The following NXN variants were observed in gnomAD, a reference collection of about 807,000 sequenced individuals.
NXN encodes nucleoredoxin 1.
Under a neutral mutation model 48.6 loss-of-function variants are expected in NXN, and 16 were observed. That is an observed-to-expected ratio of 0.33 (90% confidence interval 0.22 to 0.50). The LOEUF (loss-of-function observed/expected upper bound fraction) is 0.50. NXN is among the 20% of genes least tolerant of loss of function. The pLI is 0.98. For missense variants in NXN, 492 were observed against 605.5 expected (o/e 0.81, Z 1.97); for synonymous variants, 281 against 269.6 (o/e 1.04, Z -0.41).
chr17:833,492 C>T (rs893007470), intron 1 of NXN, among the ~76,000 whole-genome samples: 1 of 152,184 alleles, frequency 6.6e-6, no homozygotes. Flanking sequence ...TGCACCCTTT[C>T]AAGTGTGAGG....
rs1037967873 is a variant in NXN, at chr17:920,416, A to G, written c.360+58903T>C. The stretch of plus-strand genomic sequence containing the variant: ...GCCCTCCTGTCATGCCCCAAGGCCA[A>G]TGTAGCCTTGGGGATGCCGAGCCTG... On this transcript the variant is annotated intron_variant, in intron 1 of 7. Coordinates refer to ENST00000336868, the MANE Select transcript of NXN (RefSeq NM_022463.5). This position sits in a 1 kb window ranked among gnomAD's most constrained non-coding sequence, Gnocchi z 4.6. Among the ~76,000 whole-genome samples the G allele has an allele frequency of 2.0e-5, 3 of 151,960 alleles. No individual in the cohort carries two copies. The highest frequency in any genetic ancestry group is 2.9e-5 in the Non-Finnish European group (2 of 67,986).
chr17:962,774 C>T (rs566560376), intron 1 of NXN, among the ~76,000 whole-genome samples: 2 of 152,272 alleles, frequency 1.3e-5, no homozygotes, highest in East Asian at 1.9e-4. Flanking sequence ...CATCTGAATG[C>T]GCTTGGAAGC....
intron 5 of NXN, among the ~76,000 whole-genome samples, chr17:806,971 G>T (rs986804261): frequency 1.3e-5 from 2 of 152,080 alleles, no homozygotes; most frequent in African/African-American, 4.8e-5. Context: ...CACACATGCG[G>T]CCGGCTCTCA....
At position 822,358 on chromosome 17, in the gene NXN, T is replaced by C; in HGVS notation, c.712A>G (p.Arg238Gly). Residue 238 changes from arginine to glycine, a missense_variant and splice_region_variant, in exon 4 of 8, where the codon AGG becomes GGG. Physicochemically the swap from Arg to Gly is moderately radical, Grantham distance 125. This residue lies in a region of NXN where 303 missense variants were observed against 388.3 expected (regional missense o/e 0.78). Coordinates refer to ENST00000336868, the MANE Select transcript of NXN (RefSeq NM_022463.5). The stretch of plus-strand genomic sequence containing the variant: ...CCAGCACTTCACGGCACGACTGACC[T>C]GTCTGCACTAACGAAGATGATCTCG... ...NFEIIFVSAD[R>G]SEESFKQYFS... The C allele has an allele frequency of 6.2e-7, 1 of 1,611,780 alleles. No homozygotes were observed. Among genetic ancestry groups the C allele is most frequent in the Non-Finnish European group, 8.5e-7 (1 of 1,177,942 alleles).
intron 1 of NXN, among the ~76,000 whole-genome samples, chr17:895,635 AC>A (rs2068472831): frequency 8.0e-6 from 1 of 125,302 alleles, no homozygotes; most frequent in Non-Finnish European, 1.7e-5. Flanking sequence ...ACACGGTGAA[AC>A]CCCGTCTCTA....
intron 1 of NXN, among the ~76,000 whole-genome samples, chr17:863,040 GA>G (rs2068056826): frequency 2.0e-5 from 3 of 152,168 alleles, no homozygotes; most frequent in Non-Finnish European, 4.4e-5. Flanking sequence ...ATACTCAGGG[GA>G]TTGGTTCTGG....
chr17:870,987 T>A (rs552098039), intron 1 of NXN, among the ~76,000 whole-genome samples: 3 of 151,784 alleles, frequency 2.0e-5, no homozygotes, highest in Non-Finnish European at 4.4e-5. Context: ...GCCTCCCGAG[T>A]AGCTCGGACT....
chr17:854,219 G>A (rs948863324), intron 1 of NXN, among the ~76,000 whole-genome samples: 8 of 152,230 alleles, frequency 5.3e-5, no homozygotes, highest in Admixed American at 1.3e-4. Flanking sequence ...GCTTCCCACC[G>A]TACTCGCTCT....
Position 958,114 on chromosome 17 carries a change from G to A in NXN, c.360+21205C>T, listed in dbSNP as rs1015550508. ...TCAACTTTCCCCTTCCTTCCCACAC[G>A]GCTATTTATATCTGGAATATCTCTC... On this transcript the variant is annotated intron_variant, in intron 1 of 7. Coordinates refer to ENST00000336868, the MANE Select transcript of NXN (RefSeq NM_022463.5). This position sits in a 1 kb window ranked among gnomAD's most constrained non-coding sequence, Gnocchi z 6.9. Among the ~76,000 whole-genome samples the A allele has an allele frequency of 5.9e-5, 9 of 152,022 alleles. No homozygotes were observed. Among genetic ancestry groups the A allele is most frequent in the Admixed American group, 1.3e-4 (2 of 15,232 alleles).
intron 5 of NXN, among the ~76,000 whole-genome samples, chr17:817,532 T>C (rs1912545790): frequency 6.6e-6 from 1 of 151,724 alleles, no homozygotes; most frequent in Admixed American, 6.6e-5. Context: ...TAGCCGGGCG[T>C]GTGGTGGGTG....
At chr17:949,695 C>A (rs1458148124) in intron 1 of NXN, among the ~76,000 whole-genome samples, 1 of 130,916 alleles carries the variant, frequency 7.6e-6, no homozygotes, top group East Asian at 2.2e-4. Context: ...CTCCTCTCCC[C>A]CCTGCCTCCT....
intron 1 of NXN, among the ~76,000 whole-genome samples, chr17:885,672 C>T (rs2068337345): frequency 2.4e-5 from 2 of 83,750 alleles, no homozygotes; most frequent in South Asian, 4.5e-4. Context: ...GCGGTACTCG[C>T]TTTTTTTTTT....
At chr17:842,858 G>C (rs770933319) in intron 1 of NXN, among the ~76,000 whole-genome samples, 1 of 152,132 alleles carries the variant, frequency 6.6e-6, no homozygotes, top group Non-Finnish European at 1.5e-5. Flanking sequence ...AGAATTGCTT[G>C]AACCTGGGAG....
At chr17:912,294 C>T (rs71357133) in intron 1 of NXN, among the ~76,000 whole-genome samples, 2,855 of 152,130 alleles carry the variant, frequency 0.019, 67 homozygotes, top group Middle Eastern at 0.075. Flanking sequence ...ATAAATGGAA[C>T]GGTGTAGTTC....
intron 1 of NXN, among the ~76,000 whole-genome samples, chr17:850,187 T>C (rs189544329): frequency 2.6e-5 from 4 of 152,258 alleles, no homozygotes; most frequent in Admixed American, 2.6e-4. Context: ...CAAAATCACC[T>C]GACGGACGCT....
chr17:962,480 C>A (rs948506541), intron 1 of NXN, among the ~76,000 whole-genome samples: 1 of 152,116 alleles, frequency 6.6e-6, no homozygotes, highest in Non-Finnish European at 1.5e-5. Flanking sequence ...CCAGCCTGGA[C>A]AACACGGTAA....
At chr17:945,140 G>A (rs2069027744) in intron 1 of NXN, among the ~76,000 whole-genome samples, 1 of 151,988 alleles carries the variant, frequency 6.6e-6, no homozygotes, top group East Asian at 2.0e-4. Context: ...GGAGTGCAGC[G>A]GCACAGTCTC....
intron 5 of NXN, among the ~76,000 whole-genome samples, chr17:812,912 C>T (rs1377722377): frequency 8.5e-6 from 1 of 117,264 alleles, no homozygotes. Context: ...GCATGTGTGA[C>T]TGTAGGTGTG....
At chr17:951,866 C>G (rs1189729644) in intron 1 of NXN, among the ~76,000 whole-genome samples, 1 of 152,142 alleles carries the variant, frequency 6.6e-6, no homozygotes, top group African/African-American at 2.4e-5. Flanking sequence ...TCGGCACACT[C>G]AGTAGACGGA....
Sources: gnomAD v4.1 joint callset for allele counts (sites outside exome capture counted in the v4.1 genomes callset) on GRCh38, gnomAD v4.1.1 for gene constraint, gnomAD v4.1.1 regional missense constraint, Gnocchi (gnomAD v3.1) non-coding constraint, MANE v1.5 for transcripts, NCBI Gene and HGNC (gene_info 2026-07-23, HGNC 2026-07-21) for gene names.